C6orf52: variants seen among roughly 807,000 people sequenced by gnomAD.
C6orf52 encodes putative uncharacterized protein C6orf52.
Under a neutral mutation model 16.6 loss-of-function variants are expected in C6orf52, and 16 were observed. That is an observed-to-expected ratio of 0.96 (90% CI 0.65 to 1.46). C6orf52 has a LOEUF of 1.46. C6orf52 is among the 40% of genes most tolerant of loss of function. C6orf52 has a pLI of 0.00. For synonymous variants in C6orf52, 53 were observed against 61.4 expected (o/e 0.86, Z 0.64); for missense variants, 166 against 182.3 (o/e 0.91, Z 0.52).
intron 4 of C6orf52, among the ~76,000 whole-genome samples, chr6:10,678,410 T>C: frequency 6.6e-6 from 1 of 152,274 alleles, no homozygotes; most frequent in East Asian, 1.9e-4. Context: ...TACATGGGAT[T>C]ATTTTCTTGT....
chr6:10,692,767 G>A (rs1340080869), intron 1 of C6orf52, among the ~76,000 whole-genome samples: 2 of 152,048 alleles, frequency 1.3e-5, no homozygotes, highest in East Asian at 1.9e-4. Flanking sequence ...CAAGCAATCC[G>A]CCTGCCTAGG....
chr6:10,682,293 A>G (rs1217438122), intron 4 of C6orf52, among the ~76,000 whole-genome samples: 1 of 152,216 alleles, frequency 6.6e-6, no homozygotes, highest in Non-Finnish European at 1.5e-5. Flanking sequence ...AAAGACTCAC[A>G]CTTAATCTGA....
chr6:10,672,536 G>A (rs1181493660), intron 4 of C6orf52: 7 of 695,348 alleles, frequency 1.0e-5, no homozygotes, highest in African/African-American at 3.5e-5. Flanking sequence ...GCAGGACACA[G>A]CAACTCATAC....
chr6:10,683,120 C>T lies in C6orf52; in HGVS notation c.316+67G>A, dbSNP rs146571573. On this transcript the variant is annotated intron_variant, in intron 4 of 4. Coordinates refer to ENST00000259983, the MANE Select transcript of C6orf52 (RefSeq NM_001145020.3). The stretch of plus-strand genomic sequence containing the variant: ...ATAGAACCTTCCAGTTTCTAGCAAG[C>T]TGAGTGAATGAGAAACCAGGAAATG... 15 of 1,056,878 alleles carry T rather than the reference C, an allele frequency of 1.4e-5. No individual in the cohort carries two copies. The African/African-American group carries it at 2.3e-4, about 16-fold the overall frequency. 65.5% of individuals were successfully genotyped at this position (1,056,878 alleles called of 1,614,324 possible).
At chr6:10,694,809 C>T, upstream of C6orf52, 2 of 557,218 alleles carry the variant, frequency 3.6e-6, no homozygotes, top group Non-Finnish European at 6.4e-6. Context: ...ATGTGACCTC[C>T]CCGCGCTTAA....
At chr6:10,671,884 G>A (rs980016886) in intron 4 of C6orf52, among the ~76,000 whole-genome samples, 3 of 152,158 alleles carry the variant, frequency 2.0e-5, no homozygotes, top group African/African-American at 7.2e-5. Context: ...CAATTTGGGA[G>A]GAAAGGGGAA....
At chr6:10,694,428 C>G (rs542644955) in intron 1 of C6orf52, 66 bp downstream of exon 1, 1 of 154,828 alleles carries the variant, frequency 6.5e-6, no homozygotes, top group South Asian at 1.8e-4. Context: ...CCGAGTCCGT[C>G]AAGGCAGCGC....
chr6:10,689,771 T>C (rs2127471579), intron 1 of C6orf52, among the ~76,000 whole-genome samples: 1 of 152,320 alleles, frequency 6.6e-6, no homozygotes, highest in Non-Finnish European at 1.5e-5. Context: ...TGCAGAAGAA[T>C]ACTGGGATCC....
intron 1 of C6orf52, among the ~76,000 whole-genome samples, chr6:10,688,739 G>T (rs1280458965): frequency 6.6e-6 from 1 of 152,198 alleles, no homozygotes; most frequent in Non-Finnish European, 1.5e-5. Flanking sequence ...CTTCATGTGG[G>T]TTCACCAGTA....
chr6:10,678,404 T>C (rs1461118166), intron 4 of C6orf52, among the ~76,000 whole-genome samples: 1 of 152,170 alleles, frequency 6.6e-6, no homozygotes, highest in Non-Finnish European at 1.5e-5. Flanking sequence ...CTATTGTACA[T>C]GGGATTATTT....
At chr6:10,694,627 C>T, upstream of C6orf52, 1 of 192,242 alleles carries the variant, frequency 5.2e-6, no homozygotes, top group South Asian at 9.0e-5. Context: ...GGCCCCACCT[C>T]CTCCTGATGT....
chr6:10,691,213 G>A (rs1769266154), intron 1 of C6orf52, among the ~76,000 whole-genome samples: 1 of 152,196 alleles, frequency 6.6e-6, no homozygotes, highest in African/African-American at 2.4e-5. Flanking sequence ...AATTGTAGCA[G>A]GACAAGCCGC....
chr6:10,683,959 C>A (rs1157852295), intron 3 of C6orf52, among the ~76,000 whole-genome samples: 1 of 152,166 alleles, frequency 6.6e-6, no homozygotes, highest in Non-Finnish European at 1.5e-5. Flanking sequence ...GATGTAGCTC[C>A]TGGCACTTAA....
Position 10,683,223 on chromosome 6 carries a change from GT to G in C6orf52, c.279del (p.Pro94LeufsTer2), listed in dbSNP as rs1768561125. 3 of 1,544,506 alleles carry G rather than the reference GT, an allele frequency of 1.9e-6. No homozygotes were observed. In the African/African-American group the frequency reaches 4.1e-5, roughly 21 times the overall value. ...AGTLVMPKET[T>X]PLAENQDEDP... is the part of the protein sequence containing the mutation. The stretch of plus-strand genomic sequence containing the variant: ...TCTTCATCTTGGTTTTCAGCTAGAG[GT>G]GTGGTTTCCTGCAACAAAATATTAT... On this transcript the variant is annotated frameshift_variant, in exon 4 of 5. Transcript: ENST00000259983. LOFTEE classifies it low-confidence loss of function (END_TRUNC).
At chr6:10,679,967 T>C (rs1768230518) in intron 4 of C6orf52, among the ~76,000 whole-genome samples, 1 of 152,222 alleles carries the variant, frequency 6.6e-6, no homozygotes, top group African/African-American at 2.4e-5. Context: ...TCTACTGAAA[T>C]GATCACCAAG....
At chr6:10,694,628 C>CAAA, upstream of C6orf52, 1 of 196,030 alleles carries the variant, frequency 5.1e-6, no homozygotes, top group South Asian at 8.4e-5. Context: ...GCCCCACCTC[C>CAAA]TCCTGATGTC....
chr6:10,690,947 C>T (rs914252803), intron 1 of C6orf52, among the ~76,000 whole-genome samples: 4 of 152,168 alleles, frequency 2.6e-5, no homozygotes, highest in African/African-American at 9.7e-5. Context: ...CAATGAAAAT[C>T]CGCAATCTAA....
At chr6:10,673,446 G>T (rs1301876249) in intron 4 of C6orf52, among the ~76,000 whole-genome samples, 3 of 152,208 alleles carry the variant, frequency 2.0e-5, no homozygotes, top group Non-Finnish European at 4.4e-5. Flanking sequence ...CTAGCCACAT[G>T]CAGCTATTGA....
chr6:10,675,798 A>G (rs1767822284), intron 4 of C6orf52, among the ~76,000 whole-genome samples: 1 of 152,162 alleles, frequency 6.6e-6, no homozygotes, highest in East Asian at 1.9e-4. Flanking sequence ...ACATTTTCTC[A>G]TGCATCTATT....
Sources: allele counts gnomAD v4.1 joint callset (sites outside exome capture counted in the v4.1 genomes callset), GRCh38; gene constraint gnomAD v4.1.1; transcripts MANE v1.5; gene names NCBI Gene and HGNC (gene_info 2026-07-23, HGNC 2026-07-21).